Variants in FNDC7 observed in about 807,000 individuals in gnomAD.
FNDC7 encodes fibronectin type III domain-containing protein 7.
A neutral mutation model predicts 74.2 loss-of-function variants in FNDC7; 66 were observed. The observed-to-expected ratio is 0.89, with a 90% CI of 0.73 to 1.09. The LOEUF (loss-of-function observed/expected upper bound fraction) is 1.09, where lower values mean the gene tolerates loss of function less well. Among genes scored for constraint, FNDC7 ranks in the 50% least tolerant of loss-of-function variants. FNDC7 has a pLI of 0.00. For missense variants in FNDC7, 829 were observed against 893.4 expected (o/e 0.93, Z 0.92); for synonymous variants, 307 against 330.2 (o/e 0.93, Z 0.76).
intron 1 of FNDC7, 162 bp from the exon 2 acceptor site, chr1:108,713,349 G>C (rs1660910430): frequency 3.0e-6 from 2 of 665,074 alleles, no homozygotes. Context: ...TTTGGGTGCT[G>C]GGAAATGATT....
intron 9 of FNDC7, 92 bp from the exon 10 acceptor site, chr1:108,733,180 G>C: frequency 6.8e-7 from 1 of 1,470,302 alleles, no homozygotes; most frequent in Non-Finnish European, 9.3e-7. Flanking sequence ...AGACTAGTTT[G>C]CTTATATTTT....
At chr1:108,717,738 G>C in intron 2 of FNDC7, 39 bp from the exon 3 acceptor site, 3 of 1,541,050 alleles carry the variant, frequency 1.9e-6, no homozygotes, top group Non-Finnish European at 2.6e-6. Context: ...CATCCTCGTA[G>C]GTATCTTGGC....
At chr1:108,722,931 G>A (rs112061550) in intron 5 of FNDC7, among the ~76,000 whole-genome samples, 6 of 151,900 alleles carry the variant, frequency 3.9e-5, no homozygotes, top group South Asian at 4.2e-4. Flanking sequence ...AGATAACTGC[G>A]TCTTCTTTGC....
chr1:108,726,600 G>A (rs1661224575), intron 6 of FNDC7, among the ~76,000 whole-genome samples: 1 of 152,184 alleles, frequency 6.6e-6, no homozygotes, highest in Admixed American at 6.5e-5. Flanking sequence ...CATCACCGTT[G>A]CTGTTGCTAT....
chr1:108,731,273 T>G (rs1661346932), intron 9 of FNDC7, among the ~76,000 whole-genome samples: 1 of 152,218 alleles, frequency 6.6e-6, no homozygotes, highest in Non-Finnish European at 1.5e-5. Flanking sequence ...TGGTTTGCAT[T>G]TTTTTCTTCT....
intron 6 of FNDC7, among the ~76,000 whole-genome samples, chr1:108,727,389 C>T (rs1199551281): frequency 6.6e-6 from 1 of 152,072 alleles, no homozygotes; most frequent in Non-Finnish European, 1.5e-5. Context: ...CCCTACCCCC[C>T]AGTTTTATTT....
chr1:108,730,956 A>G (rs752770146), intron 9 of FNDC7, 28 bp downstream of exon 9: 2 of 1,583,038 alleles, frequency 1.3e-6, no homozygotes, highest in Admixed American at 3.5e-5. Flanking sequence ...CTAGAGTAGC[A>G]GTAAGGACTT....
At chr1:108,713,169 T>C (rs1349723962) in intron 1 of FNDC7, among the ~76,000 whole-genome samples, 173 bp downstream of exon 1, 1 of 152,168 alleles carries the variant, frequency 6.6e-6, no homozygotes, top group Non-Finnish European at 1.5e-5. Flanking sequence ...TGCCATATAC[T>C]AGAGAAAGAA....
chr1:108,725,666 G>A, intron 5 of FNDC7, 84 bp from the exon 6 acceptor site: 1 of 1,451,184 alleles, frequency 6.9e-7, no homozygotes, highest in Non-Finnish European at 9.4e-7. Flanking sequence ...GCTAATTTGG[G>A]TTGTATTGAA....
chr1:108,719,386 G>A (rs1027585253), intron 4 of FNDC7, among the ~76,000 whole-genome samples: 2 of 152,182 alleles, frequency 1.3e-5, no homozygotes, highest in African/African-American at 2.4e-5. Flanking sequence ...CTGGGTTCAG[G>A]CCAATTAGTA....
chr1:108,732,340 T>TAAAA (rs1222354975), intron 9 of FNDC7, among the ~76,000 whole-genome samples: 1 of 13,850 alleles, frequency 7.2e-5, no homozygotes, highest in Admixed American at 4.3e-4. Context: ...AGACTCCGTC[T>TAAAA]CAAAAAAAAA....
chr1:108,727,816 T>G lies in FNDC7; in HGVS notation c.1120T>G (p.Cys374Gly), dbSNP rs1018204769. 6.2e-7 allele frequency: 1 copy of G among 1,614,028 alleles called. No individual in the cohort carries two copies. The highest frequency in any genetic ancestry group is 8.5e-7 in the Non-Finnish European group (1 of 1,180,032). The change falls in exon 7 of 13, where the codon TGT becomes GGT. Residue 374 changes from cysteine to glycine, a missense_variant. By Grantham distance (159) the Cys-to-Gly change is radical. Transcript: ENST00000370017. Reference protein sequence around the residue: ...DIFNYTTAPCCPSDINPVLVS... With the variant: ...DIFNYTTAPCGPSDINPVLVS... ...TCTGCTCCTGCTTTCAGCTCCCTGTTGTCCTAGTGACATTAACCCCGTGTT... is the reference window on the plus strand; with the variant it reads ...TCTGCTCCTGCTTTCAGCTCCCTGTGGTCCTAGTGACATTAACCCCGTGTT...
intron 10 of FNDC7, among the ~76,000 whole-genome samples, chr1:108,733,922 T>C (rs981895024): frequency 6.6e-6 from 1 of 152,166 alleles, no homozygotes; most frequent in African/African-American, 2.4e-5. Flanking sequence ...AGTGCTGGGA[T>C]TACAGGCATG....
intron 4 of FNDC7, among the ~76,000 whole-genome samples, chr1:108,720,338 A>T (rs903710311): frequency 2.0e-5 from 3 of 152,234 alleles, no homozygotes; most frequent in Admixed American, 6.5e-5. Flanking sequence ...ACCAATGGTG[A>T]GTCAGCGTTT....
chr1:108,725,906 ACTT>A lies in FNDC7; in HGVS notation c.1017_1019del (p.Phe339del), dbSNP rs747832235. On this transcript the variant is annotated inframe_deletion, in exon 6 of 13. Transcript: ENST00000370017. ...TGCAACACATCTCTCACTCAGTGCA[ACTT>A]CTTATCTGAGTGTGGCTTCACTTAT... is the stretch of plus-strand genomic sequence containing the variant. 214 of 1,613,920 alleles carry A rather than the reference ACTT, an allele frequency of 1.3e-4. No homozygotes were observed. The highest frequency in any genetic ancestry group is 1.7e-4 in the Non-Finnish European group (199 of 1,179,990).
chr1:108,736,227 A>G (rs973798109), intron 10 of FNDC7, among the ~76,000 whole-genome samples: 1 of 151,932 alleles, frequency 6.6e-6, no homozygotes, highest in Non-Finnish European at 1.5e-5. Context: ...CTCCTATTCT[A>G]TGTCATGTTC....
At chr1:108,724,862 C>G (rs2101081723) in intron 5 of FNDC7, among the ~76,000 whole-genome samples, 1 of 152,124 alleles carries the variant, frequency 6.6e-6, no homozygotes, top group Non-Finnish European at 1.5e-5. Context: ...GGGAGGATCA[C>G]TTGAAGTCAG....
At position 108,727,740 on chromosome 1, in the gene FNDC7, G is replaced by C. The variant is rs1557790277; in HGVS notation, c.1112-68G>C. ...AGAGGCTCTGGGCATGGGAGGTCAG[G>C]ACACAGTGTACCCCCAGCTGCATTG... On this transcript the variant is annotated intron_variant, in intron 6 of 12. Transcript: ENST00000370017. The C allele has an allele frequency of 3.2e-6, 5 of 1,576,600 alleles. No individual in the cohort carries two copies. The African/African-American group carries it at 6.7e-5, about 21-fold the overall frequency.
rs891594933 is a variant in FNDC7, at chr1:108,737,630, C to G, written c.2170+106C>G. The G allele has an allele frequency of 5.7e-5, 49 of 858,626 alleles. 1 individual carries two copies. The Middle Eastern group carries it at 1.2e-3, about 21-fold the overall frequency. The allele number at this position is 858,626 out of a possible 1,614,324, so 53.2% of individuals were successfully genotyped here. On this transcript the variant is annotated intron_variant, in intron 11 of 12. Transcript: ENST00000370017. ...CAATTAGAAAGCAAATGCTTTCTTT[C>G]TTTGATACAAGGGGCTCCTGCTCTC... is the stretch of plus-strand genomic sequence containing the variant.
Sources: gnomAD v4.1 joint callset for allele counts (sites outside exome capture counted in the v4.1 genomes callset) on GRCh38, gnomAD v4.1.1 for gene constraint, MANE v1.5 for transcripts, NCBI Gene and HGNC (gene_info 2026-07-23, HGNC 2026-07-21) for gene names.